Variants in NDUFA10 observed in about 807,000 individuals in gnomAD.
NDUFA10 encodes the protein NADH:ubiquinone oxidoreductase subunit A10.
A neutral mutation model predicts 47.8 loss-of-function variants in NDUFA10; 40 were observed. The observed-to-expected ratio is 0.84, with a 90% CI of 0.65 to 1.09. The LOEUF (loss-of-function observed/expected upper bound fraction) is 1.09, where lower values mean the gene tolerates loss of function less well. NDUFA10 is among the 50% of genes least tolerant of loss of function. The pLI is 0.00. For missense variants in NDUFA10, 413 were observed against 451.1 expected, an observed-to-expected ratio of 0.92 and a Z score of 0.76; for synonymous variants, 183 against 172.2, an observed-to-expected ratio of 1.06 and a Z score of -0.49.
chr2:239,989,327 A>T (rs115686794), intron 9 of NDUFA10, among the ~76,000 whole-genome samples: 11,667 of 152,354 alleles, frequency 0.077, 530 homozygotes, highest in Admixed American at 0.13. Flanking sequence ...CAACTCAGAC[A>T]ATTATAGTAA....
At chr2:240,020,769 G>A (rs901918477) in intron 3 of NDUFA10, among the ~76,000 whole-genome samples, 8 of 152,086 alleles carry the variant, frequency 5.3e-5, no homozygotes, top group African/African-American at 1.9e-4. Flanking sequence ...TGGTGATTCC[G>A]GCCTATCTCT....
At chr2:239,998,905 T>C (rs1016328616) in intron 8 of NDUFA10, among the ~76,000 whole-genome samples, 40 of 152,218 alleles carry the variant, frequency 2.6e-4, no homozygotes, top group African/African-American at 8.9e-4. Context: ...CCTCATTCAC[T>C]GTGATAAATC....
chr2:239,969,859 A>G, intron 9 of NDUFA10: 1 of 447,602 alleles, frequency 2.2e-6, no homozygotes, highest in Non-Finnish European at 4.6e-6. Flanking sequence ...AATTAGGCAC[A>G]GAAAGAAAAA....
intron 9 of NDUFA10, among the ~76,000 whole-genome samples, chr2:239,974,148 C>A (rs896097755): frequency 6.6e-6 from 1 of 152,154 alleles, no homozygotes; most frequent in Non-Finnish European, 1.5e-5. Flanking sequence ...AGGCTGATCT[C>A]CAACTCCTGA....
intron 4 of NDUFA10, among the ~76,000 whole-genome samples, chr2:239,925,874 G>T (rs1410672157): frequency 6.6e-6 from 1 of 152,138 alleles, no homozygotes; most frequent in East Asian, 1.9e-4. Context: ...TCACAAAGAG[G>T]ATATACAGAT....
At position 239,982,292 on chromosome 2, in the gene NDUFA10, T is replaced by G. The variant is rs906381490; in HGVS notation, c.999+7782A>C. 3.2e-6 allele frequency: 5 copies of G among 1,581,078 alleles called. No individual in the cohort carries two copies. In the South Asian group the frequency reaches 5.6e-5, roughly 18 times the overall value. On this transcript the variant is annotated intron_variant, in intron 9 of 9. Coordinates refer to ENST00000252711, the MANE Select transcript of NDUFA10 (RefSeq NM_004544.4). ...GCCGACTTTACTTTTCTTTAGTTAC[T>G]TGTCTTTTGCAATTTTCATAAAGCA...
chr2:239,931,831 CTTTTTTTT>C (rs35581568), intron 4 of NDUFA10, among the ~76,000 whole-genome samples: 1 of 90,184 alleles, frequency 1.1e-5, no homozygotes, highest in African/African-American at 4.6e-5. Context: ...TGCACCTCTG[CTTTTTTTT>C]TTTTTTTTTT....
intron 5 of NDUFA10, among the ~76,000 whole-genome samples, chr2:239,893,824 G>A (rs909671030): frequency 1.3e-5 from 2 of 152,132 alleles, no homozygotes; most frequent in Admixed American, 6.5e-5. Flanking sequence ...GTGGTCCTGA[G>A]CTCCACCATC....
In NDUFA10 at chr2:239,906,633, G is replaced by A. The variant is rs753259300; in HGVS notation, c.295-11319C>T. The stretch of plus-strand genomic sequence containing the variant: ...GGCAAGAGCCAACCAGCGTGCCCCC[G>A]GGAATGCTGGTCCAGACGCTTTGCC... On this transcript the variant is annotated intron_variant, in intron 4 of 5. Coordinates refer to the NDUFA10 transcript ENST00000419408. This position sits in a 1 kb window ranked among gnomAD's most constrained non-coding sequence, Gnocchi z 4.3. 5.3e-5 allele frequency among the ~76,000 whole-genome samples: 8 copies of A among 152,142 alleles called. No homozygotes were observed. The highest frequency in any genetic ancestry group is 7.3e-5 in the Non-Finnish European group (5 of 68,036).
At chr2:239,902,648 G>A (rs1335469766) in intron 4 of NDUFA10, among the ~76,000 whole-genome samples, 1 of 152,168 alleles carries the variant, frequency 6.6e-6, no homozygotes, top group Admixed American at 6.5e-5. Context: ...CACAGGACTG[G>A]GCTTGTGCTC....
In NDUFA10 at chr2:239,959,298, A is replaced by C; in HGVS notation, c.*1820T>G. On this transcript the variant is annotated 3_prime_UTR_variant, in exon 10 of 10. Coordinates refer to ENST00000252711, the MANE Select transcript of NDUFA10 (RefSeq NM_004544.4). ...CCCTCACAAGGGCAATCCTGACCAC[A>C]GGGCAGACCTGCCCTCTCACTGCTG... 1.0e-6 allele frequency: 1 copy of C among 985,484 alleles called. No homozygotes were observed. The highest frequency in any genetic ancestry group is 1.2e-6 in the Non-Finnish European group (1 of 829,952). The allele number at this position is 985,484 out of a possible 1,614,324, so 61.0% of individuals were successfully genotyped here. A position where few individuals can be genotyped will look rare whatever the true frequency, so the allele number is the denominator to read the frequency against.
chr2:239,932,835 C>G (rs1694199778), intron 4 of NDUFA10, among the ~76,000 whole-genome samples: 1 of 152,210 alleles, frequency 6.6e-6, no homozygotes, highest in African/African-American at 2.4e-5. Flanking sequence ...CCCGCCTCGG[C>G]CTCCCAAAGT....
At chr2:239,940,780 C>T (rs1257723293) in intron 4 of NDUFA10, among the ~76,000 whole-genome samples, 1 of 152,210 alleles carries the variant, frequency 6.6e-6, no homozygotes, top group African/African-American at 2.4e-5. Context: ...CGGGCTCTCT[C>T]CTGGGGATGG....
At chr2:239,895,407 CAT>C (rs1693373407) in intron 4 of NDUFA10, 1 of 255,690 alleles carries the variant, frequency 3.9e-6, no homozygotes, top group Non-Finnish European at 8.7e-6. Context: ...ACTCCACACT[CAT>C]AGGTTCTGAA....
chr2:240,011,580 G>C (rs371976933), intron 6 of NDUFA10, 37 bp downstream of exon 6: 2 of 1,546,338 alleles, frequency 1.3e-6, no homozygotes, highest in South Asian at 1.1e-5. Flanking sequence ...TGGCGAAGAA[G>C]TTTTAGCCCT....
Position 239,961,126 on chromosome 2 carries a change from G to A in NDUFA10, c.1060C>T (p.Leu354=). 6.2e-7 allele frequency: 1 copy of A among 1,614,212 alleles called. No individual in the cohort carries two copies. The highest frequency in any genetic ancestry group is 8.5e-7 in the Non-Finnish European group (1 of 1,180,034). ...AGCAGAAGGCGGCCCGTTCACTTCAGCCAGATCCACTTGTCTCCCACCTCG... is the reference window on the plus strand; with the variant it reads ...AGCAGAAGGCGGCCCGTTCACTTCAACCAGATCCACTTGTCTCCCACCTCG... ...NTEVGDKWIW[L]K The change falls in exon 10 of 10, where the codon CTG becomes TTG. Residue 354 remains leucine (L), a synonymous_variant. Coordinates refer to ENST00000252711, the MANE Select transcript of NDUFA10 (RefSeq NM_004544.4).
chr2:239,958,457 A>G lies in NDUFA10; in HGVS notation c.*2661T>C, dbSNP rs898137862. 51 of 152,238 alleles carry G rather than the reference A, an allele frequency of 3.4e-4. No individual in the cohort carries two copies. Among genetic ancestry groups the G allele is most frequent in the African/African-American group, 1.2e-3 (50 of 41,466 alleles). 9.4% of individuals were successfully genotyped at this position (152,238 alleles called of 1,614,324 possible). A position where few individuals can be genotyped will look rare whatever the true frequency, so the allele number is the denominator to read the frequency against. On this transcript the variant is annotated 3_prime_UTR_variant, in exon 10 of 10. Transcript: ENST00000252711. ...TGCTGTAGCAGAGAAACCACCACGA[A>G]TTCAATTGAAGCGGCGTAACTGAAG...
chr2:239,938,382 G>A (rs781032581), intron 4 of NDUFA10, among the ~76,000 whole-genome samples: 3 of 152,192 alleles, frequency 2.0e-5, no homozygotes, highest in Admixed American at 6.5e-5. Context: ...TGAGGTGGCC[G>A]CTGGCCTGGG....
chr2:239,969,535 G>A, intron 9 of NDUFA10: 1 of 401,754 alleles, frequency 2.5e-6, no homozygotes, highest in Admixed American at 2.8e-5. Context: ...GGTGCCAGCT[G>A]TTCCTGTGGA....
Sources: allele counts gnomAD v4.1 joint callset (sites outside exome capture counted in the v4.1 genomes callset), GRCh38; gene constraint gnomAD v4.1.1; non-coding constraint Gnocchi (gnomAD v3.1); transcripts MANE v1.5; gene names NCBI Gene and HGNC (gene_info 2026-07-23, HGNC 2026-07-21).